The following UNC5D variants were observed in gnomAD, a reference collection of about 807,000 sequenced individuals.
UNC5D encodes the protein unc-5 netrin receptor D.
UNC5D carries 39 observed loss-of-function variants against 105.4 expected under a neutral mutation model. The observed-to-expected ratio is 0.37, with a 90% CI of 0.29 to 0.48. UNC5D has a LOEUF of 0.48. Ranked by LOEUF, UNC5D falls within the 20% of genes least tolerant of loss-of-function variation. The pLI, the probability that UNC5D is intolerant of heterozygous loss-of-function variation, is 0.98. For synonymous variants in UNC5D, 452 were observed against 450.4 expected (o/e 1.00, Z -0.04); for missense variants, 991 against 1,202.4 (o/e 0.82, Z 2.60).
At chr8:35,679,106 A>T (rs901430452) in intron 4 of UNC5D, among the ~76,000 whole-genome samples, 1 of 152,136 alleles carries the variant, frequency 6.6e-6, no homozygotes, top group African/African-American at 2.4e-5. Flanking sequence ...AATAAAAATA[A>T]CCTGGTGTGG....
At chr8:35,372,604 A>AT (rs984547352) in intron 1 of UNC5D, among the ~76,000 whole-genome samples, 109 of 151,312 alleles carry the variant, frequency 7.2e-4, no homozygotes, top group South Asian at 5.2e-3. Context: ...ATATTTTATT[A>AT]TTTTTTTTTC....
At chr8:35,479,681 T>C (rs1810348705) in intron 1 of UNC5D, among the ~76,000 whole-genome samples, 1 of 152,106 alleles carries the variant, frequency 6.6e-6, no homozygotes, top group Non-Finnish European at 1.5e-5. Flanking sequence ...AGTGAACTAA[T>C]ATAGGAATAG....
In UNC5D at chr8:35,571,028, T is replaced by C. The variant is rs905022497; in HGVS notation, c.466+2787T>C. On this transcript the variant is annotated intron_variant, in intron 3 of 16. Coordinates refer to ENST00000404895, the MANE Select transcript of UNC5D (RefSeq NM_080872.4). Reference sequence around the variant, plus strand: ...TGGACTTAAAATATATATATACACATAGAGAGAGAGAAATGGGGTTTGCTA... The same window carrying C: ...TGGACTTAAAATATATATATACACACAGAGAGAGAGAAATGGGGTTTGCTA... 2.3e-4 allele frequency among the ~76,000 whole-genome samples: 35 copies of C among 151,764 alleles called. 1 individual carries two copies. The highest frequency in any genetic ancestry group is 4.4e-4 in the Non-Finnish European group (30 of 67,978).
intron 1 of UNC5D, among the ~76,000 whole-genome samples, chr8:35,270,155 G>A (rs1439198980): frequency 6.6e-6 from 1 of 152,182 alleles, no homozygotes; most frequent in Non-Finnish European, 1.5e-5. Flanking sequence ...TTAGCTCAGT[G>A]TCGAGCCATA....
chr8:35,593,942 G>A (rs552391624), intron 3 of UNC5D, among the ~76,000 whole-genome samples: 3 of 152,210 alleles, frequency 2.0e-5, no homozygotes, highest in Non-Finnish European at 4.4e-5. Flanking sequence ...GGAGAATTGT[G>A]TGGGAAGCGT....
At chr8:35,620,459 C>G (rs1267675890) in intron 4 of UNC5D, among the ~76,000 whole-genome samples, 1 of 152,106 alleles carries the variant, frequency 6.6e-6, no homozygotes, top group African/African-American at 2.4e-5. Flanking sequence ...CTTTTGTGTT[C>G]TCTTGGATCA....
intron 1 of UNC5D, among the ~76,000 whole-genome samples, chr8:35,283,562 T>G (rs1806359680): frequency 6.6e-6 from 1 of 151,312 alleles, no homozygotes; most frequent in African/African-American, 2.4e-5. Context: ...GAGATCGAGA[T>G]CATCTTGGCC....
At chr8:35,379,543 C>A (rs2128930800) in intron 1 of UNC5D, among the ~76,000 whole-genome samples, 1 of 152,266 alleles carries the variant, frequency 6.6e-6, no homozygotes, top group East Asian at 1.9e-4. Flanking sequence ...TCTAGAACAA[C>A]TGCAGGCTCA....
intron 13 of UNC5D, among the ~76,000 whole-genome samples, chr8:35,754,527 T>C (rs1301313238): frequency 6.6e-6 from 1 of 152,128 alleles, no homozygotes; most frequent in Non-Finnish European, 1.5e-5. Context: ...TTGTATCCCA[T>C]AAAATGCTGA....
intron 4 of UNC5D, among the ~76,000 whole-genome samples, chr8:35,678,050 T>C (rs1825388203): frequency 6.6e-6 from 1 of 152,076 alleles, no homozygotes; most frequent in Non-Finnish European, 1.5e-5. Context: ...TTTCAAACTA[T>C]AATTTTGGAA....
intron 1 of UNC5D, among the ~76,000 whole-genome samples, chr8:35,244,167 G>A (rs758128112): frequency 3.3e-5 from 5 of 152,180 alleles, no homozygotes; most frequent in Non-Finnish European, 5.9e-5. Flanking sequence ...ATATTGAACA[G>A]ATGATGAAAT....
At chr8:35,595,462 G>A (rs945588776) in intron 3 of UNC5D, 92 bp from the exon 4 acceptor site, 2 of 988,236 alleles carry the variant, frequency 2.0e-6, no homozygotes, top group Non-Finnish European at 3.2e-6. Context: ...TGTCTAGGTT[G>A]TGATATTAAG....
intron 11 of UNC5D, among the ~76,000 whole-genome samples, chr8:35,744,235 G>A (rs968506886): frequency 2.6e-5 from 4 of 152,150 alleles, no homozygotes; most frequent in African/African-American, 9.7e-5. Flanking sequence ...GTGTCCTGTC[G>A]GGAGGTATAT....
At chr8:35,240,004 T>G (rs933849836) in intron 1 of UNC5D, among the ~76,000 whole-genome samples, 2 of 152,062 alleles carry the variant, frequency 1.3e-5, no homozygotes, top group Non-Finnish European at 2.9e-5. Context: ...GGTGCCATCA[T>G]AGCTCACTGC....
rs1318158833 is a variant in UNC5D at position 35,792,715 on chromosome 8, T to C, written c.*2152T>C. ...TAGAAAGCACATTATAGAGCTTATGTTGGAATCCATCTTGGAGGATTTTTG... is the reference window on the plus strand; with the variant it reads ...TAGAAAGCACATTATAGAGCTTATGCTGGAATCCATCTTGGAGGATTTTTG... On this transcript the variant is annotated 3_prime_UTR_variant, in exon 17 of 17. Transcript: ENST00000404895. 1 of 257,862 alleles carries C rather than the reference T, an allele frequency of 3.9e-6. No individual in the cohort carries two copies. The highest frequency in any genetic ancestry group is 2.3e-5 in the African/African-American group (1 of 42,832). 16.0% of individuals were successfully genotyped at this position (257,862 alleles called of 1,614,324 possible).
chr8:35,503,676 T>C (rs905572211), intron 1 of UNC5D, among the ~76,000 whole-genome samples: 2 of 152,206 alleles, frequency 1.3e-5, no homozygotes, highest in African/African-American at 4.8e-5. Context: ...AAGTTTTTGT[T>C]AATTAAAATG....
At chr8:35,440,773 A>T (rs1563421002) in intron 1 of UNC5D, among the ~76,000 whole-genome samples, 1 of 151,966 alleles carries the variant, frequency 6.6e-6, no homozygotes, top group African/African-American at 2.4e-5. Flanking sequence ...TGCCACATAA[A>T]ACATTTGTCA....
intron 2 of UNC5D, among the ~76,000 whole-genome samples, chr8:35,564,663 A>C (rs1817206441): frequency 6.6e-6 from 1 of 152,140 alleles, no homozygotes; most frequent in Non-Finnish European, 1.5e-5. Context: ...ATTGTATACT[A>C]GTGAAGTCTG....
chr8:35,779,077 C>T (rs1026210910), intron 16 of UNC5D, among the ~76,000 whole-genome samples: 2 of 152,200 alleles, frequency 1.3e-5, no homozygotes, highest in Non-Finnish European at 2.9e-5. Context: ...TTGACTATTA[C>T]TCAGAGTTCA....
Sources: gnomAD v4.1 joint callset for allele counts (sites outside exome capture counted in the v4.1 genomes callset) on GRCh38, gnomAD v4.1.1 for gene constraint, MANE v1.5 for transcripts, NCBI Gene and HGNC (gene_info 2026-07-23, HGNC 2026-07-21) for gene names.